The following TSHZ2 variants were observed in gnomAD, a reference collection of about 807,000 sequenced individuals.
The protein encoded by TSHZ2 is teashirt homolog 2.
Under a neutral mutation model 74.4 loss-of-function variants are expected in TSHZ2, and 21 were observed. That is an observed-to-expected ratio of 0.28 (90% CI 0.20 to 0.41). TSHZ2 has a LOEUF of 0.41. Among genes scored for constraint, TSHZ2 ranks in the 10% least tolerant of loss-of-function variants. TSHZ2 has a pLI of 1.00. For synonymous variants in TSHZ2, 540 were observed against 515.3 expected (o/e 1.05, Z -0.65); for missense variants, 1,244 against 1,293.5 (o/e 0.96, Z 0.59).
intron 1 of TSHZ2, among the ~76,000 whole-genome samples, chr20:53,245,751 T>C (rs541626387): frequency 8.7e-4 from 132 of 152,316 alleles, no homozygotes; most frequent in African/African-American, 2.3e-3. Flanking sequence ...TACAATACAC[T>C]TCCTCTTTTG....
chr20:53,372,687 T>A (rs1477297260), intron 2 of TSHZ2, among the ~76,000 whole-genome samples: 1 of 152,180 alleles, frequency 6.6e-6, no homozygotes, highest in African/African-American at 2.4e-5. Context: ...GGAACTTTCA[T>A]CAACTTCCAA....
At chr20:53,296,877 CA>C (rs1991390227) in intron 2 of TSHZ2, among the ~76,000 whole-genome samples, 1 of 152,178 alleles carries the variant, frequency 6.6e-6, no homozygotes, top group African/African-American at 2.4e-5. Context: ...GACGCCATCA[CA>C]AAATGGACTT....
intron 1 of TSHZ2, among the ~76,000 whole-genome samples, chr20:53,229,913 GAGAA>G (rs1013432099): frequency 9.1e-5 from 13 of 142,316 alleles, no homozygotes; most frequent in South Asian, 6.6e-4. Context: ...GGGAAAAAAA[GAGAA>G]AGAAGAAGGA....
intron 2 of TSHZ2, among the ~76,000 whole-genome samples, chr20:53,347,963 A>G (rs1292705398): frequency 1.3e-5 from 2 of 152,126 alleles, no homozygotes; most frequent in Non-Finnish European, 2.9e-5. Context: ...CATACCCGTA[A>G]CGTGGTAACC....
In TSHZ2 at chr20:53,489,802, T is replaced by C. The variant is rs1245280219; in HGVS notation, c.*2667T>C. ...TAGAAAACAAGATCTGGGCTGGCAC[T>C]GGGGCATACATCACCACTCAGCATA... On this transcript the variant is annotated 3_prime_UTR_variant, in exon 3 of 3. Coordinates refer to ENST00000371497, the MANE Select transcript of TSHZ2 (RefSeq NM_173485.6). 1 of 153,278 alleles carries C rather than the reference T, an allele frequency of 6.5e-6. No homozygotes were observed. Among genetic ancestry groups the C allele is most frequent in the Non-Finnish European group, 1.5e-5 (1 of 68,844 alleles). The allele number at this position is 153,278 out of a possible 1,614,324, so 9.5% of individuals were successfully genotyped here. A position where few individuals can be genotyped will look rare whatever the true frequency, so the allele number is the denominator to read the frequency against.
intron 1 of TSHZ2, among the ~76,000 whole-genome samples, chr20:53,237,959 T>C (rs944060536): frequency 6.6e-6 from 1 of 152,156 alleles, no homozygotes. Context: ...CAAATCCACA[T>C]ATATAGACTT....
chr20:53,218,005 G>A (rs1268386806), intron 1 of TSHZ2, among the ~76,000 whole-genome samples: 2 of 152,150 alleles, frequency 1.3e-5, no homozygotes, highest in East Asian at 1.9e-4. Flanking sequence ...ATTTTACTTT[G>A]GGAGAAAGGA....
chr20:53,051,241 A>T (rs1600666443), intron 1 of TSHZ2, among the ~76,000 whole-genome samples: 1 of 152,162 alleles, frequency 6.6e-6, no homozygotes. Flanking sequence ...TGGGAGGCTG[A>T]GGCAGAAGAC....
chr20:53,224,126 G>T (rs950667812), intron 1 of TSHZ2, among the ~76,000 whole-genome samples: 2 of 152,154 alleles, frequency 1.3e-5, no homozygotes, highest in African/African-American at 4.8e-5. Flanking sequence ...AGAAGAAAAA[G>T]TTGAAAAATA....
At chr20:53,126,116 C>A (rs1418126419) in intron 1 of TSHZ2, among the ~76,000 whole-genome samples, 1 of 152,170 alleles carries the variant, frequency 6.6e-6, no homozygotes, top group African/African-American at 2.4e-5. Context: ...TGCCTACTAC[C>A]CTGAAGAAGC....
chr20:53,075,144 G>A (rs1185823838), intron 1 of TSHZ2, among the ~76,000 whole-genome samples: 1 of 152,236 alleles, frequency 6.6e-6, no homozygotes. Flanking sequence ...ATAGATCATT[G>A]TGACGTGCTT....
chr20:53,256,674 G>A lies in TSHZ2; in HGVS notation c.*8+103G>A, dbSNP rs760951788. 28 of 1,447,188 alleles carry A rather than the reference G, an allele frequency of 1.9e-5. No individual in the cohort carries two copies. Among genetic ancestry groups the A allele is most frequent in the Non-Finnish European group, 2.4e-5 (26 of 1,097,562 alleles). The allele number at this position is 1,447,188 out of a possible 1,614,324, so 89.6% of individuals were successfully genotyped here. A position where few individuals can be genotyped will look rare whatever the true frequency, so the allele number is the denominator to read the frequency against. On this transcript the variant is annotated intron_variant, in intron 2 of 2. Coordinates refer to ENST00000371497, the MANE Select transcript of TSHZ2 (RefSeq NM_173485.6). The surrounding 1 kb of genome is among the most constrained non-coding windows in gnomAD (Gnocchi z 4.3). ...GCTAGCATCTCCCAATGCCAAGCAG[G>A]ATAGTAGCTTGCTGGAGTAGGATTT...
rs573538408 is a variant in TSHZ2 at position 53,466,762 on chromosome 20, AGGATGTTGTCCTGATCT to A, written c.*9-20364_*9-20348del. Among the ~76,000 whole-genome samples the A allele has an allele frequency of 6.4e-3, 978 of 152,324 alleles. 14 individuals carry two copies. Among genetic ancestry groups the A allele is most frequent in the African/African-American group, 0.021 (861 of 41,572 alleles). Reference sequence around the variant, plus strand: ...AGGGACATTTTCTCTCTCCATTGTCAGGATGTTGTCCTGATCTGGATGTTGTCCTGATCTTTGTGACC... The same window carrying A: ...AGGGACATTTTCTCTCTCCATTGTCAGGATGTTGTCCTGATCTTTGTGACC... On this transcript the variant is annotated intron_variant, in intron 2 of 2. Transcript: ENST00000371497.
At chr20:53,368,252 C>A (rs1407435030) in intron 2 of TSHZ2, among the ~76,000 whole-genome samples, 1 of 151,456 alleles carries the variant, frequency 6.6e-6, no homozygotes, top group East Asian at 1.9e-4. Context: ...ACTGCTAAAC[C>A]AAACCAAAAT....
intron 1 of TSHZ2, among the ~76,000 whole-genome samples, chr20:53,044,444 AGGAAAAGTGT>A (rs1233018960): frequency 1.3e-5 from 2 of 152,206 alleles, no homozygotes; most frequent in Non-Finnish European, 2.9e-5. Flanking sequence ...TCTAATGAGG[AGGAAAAGTGT>A]GCTGTAAAAT....
intron 2 of TSHZ2, among the ~76,000 whole-genome samples, chr20:53,436,697 C>T (rs989227911): frequency 2.0e-5 from 3 of 151,632 alleles, no homozygotes; most frequent in South Asian, 2.1e-4. Context: ...AGTCATCTTC[C>T]ACCACGTCCG....
rs903305583 is a variant in TSHZ2, at chr20:53,093,579, A to T, written c.40+120246A>T. ...TTTACATGCCACTTTCTTTTCCAGA[A>T]TGTTCTTTCTTTGGCTTTTCTAATG... On this transcript the variant is annotated intron_variant, in intron 1 of 2. Transcript: ENST00000371497. Among the ~76,000 whole-genome samples, 4 of 152,106 alleles carry T rather than the reference A, an allele frequency of 2.6e-5. No homozygotes were observed. The East Asian group carries it at 7.7e-4, about 29-fold the overall frequency.
At chr20:53,271,118 C>T (rs6126805) in intron 2 of TSHZ2, among the ~76,000 whole-genome samples, 13,508 of 152,192 alleles carry the variant, frequency 0.089, 736 homozygotes, top group Admixed American at 0.19. Flanking sequence ...GAGGGGAGAC[C>T]TGATATGCAG....
At chr20:53,362,329 C>T (rs1300725727) in intron 2 of TSHZ2, among the ~76,000 whole-genome samples, 9 of 152,026 alleles carry the variant, frequency 5.9e-5, no homozygotes, top group South Asian at 4.2e-4. Context: ...GGACTACAGA[C>T]GCCCGCCACC....
Sources: gnomAD v4.1 joint callset for allele counts (sites outside exome capture counted in the v4.1 genomes callset) on GRCh38, gnomAD v4.1.1 for gene constraint, Gnocchi (gnomAD v3.1) non-coding constraint, MANE v1.5 for transcripts, NCBI Gene and HGNC (gene_info 2026-07-23, HGNC 2026-07-21) for gene names.